Variants in AFG2A observed in about 807,000 individuals in gnomAD.
AFG2A encodes ATPase family gene 2 protein homolog A.
chr4:123,216,831 A>AC, the AFG2A span, among the ~76,000 whole-genome samples: 1 of 151,158 alleles, frequency 6.6e-6, no homozygotes, highest in African/African-American at 2.4e-5. Context: ...GTTTTTTCAA[A>AC]TTTTTTTTGT....
chr4:122,935,336 C>T, the AFG2A span, among the ~76,000 whole-genome samples: 3 of 151,930 alleles, frequency 2.0e-5, no homozygotes, highest in South Asian at 2.1e-4. Context: ...TACTAGCAAA[C>T]GTATGTACTC....
At chr4:123,216,843 G>C in the AFG2A span, among the ~76,000 whole-genome samples, 1 of 151,830 alleles carries the variant, frequency 6.6e-6, no homozygotes, top group East Asian at 1.9e-4. Context: ...TTTTTTTGTA[G>C]AGGTGGGGAA....
the AFG2A span, among the ~76,000 whole-genome samples, chr4:123,123,134 A>C: frequency 2.8e-4 from 43 of 152,326 alleles, no homozygotes; most frequent in Middle Eastern, 3.4e-3. Flanking sequence ...AAATGTGTTC[A>C]TATAAGAGAC....
the AFG2A span, among the ~76,000 whole-genome samples, chr4:123,012,649 A>G: frequency 6.6e-6 from 1 of 152,190 alleles, no homozygotes; most frequent in African/African-American, 2.4e-5. Context: ...TTTTCGGTCC[A>G]CGGATAAAAC....
the AFG2A span, among the ~76,000 whole-genome samples, chr4:123,307,232 C>G: frequency 1.3e-5 from 2 of 152,228 alleles, no homozygotes; most frequent in Middle Eastern, 3.4e-3. Context: ...GCCTTGAACT[C>G]CTGGGTTCAG....
At chr4:122,941,253 T>C in the AFG2A span, among the ~76,000 whole-genome samples, 6 of 151,944 alleles carry the variant, frequency 3.9e-5, no homozygotes, top group Non-Finnish European at 8.8e-5. Flanking sequence ...TATTGATTCT[T>C]CCTACCCATG....
chr4:123,307,256 C>T, the AFG2A span, among the ~76,000 whole-genome samples: 1 of 152,232 alleles, frequency 6.6e-6, no homozygotes, highest in Non-Finnish European at 1.5e-5. Context: ...ATCCTCCCAT[C>T]TCAGCCTCCT....
chr4:123,076,134 G>A, the AFG2A span, among the ~76,000 whole-genome samples: 42 of 152,080 alleles, frequency 2.8e-4, no homozygotes, highest in East Asian at 2.9e-3. Context: ...AGCCAGGCAC[G>A]ATGGCACAAA....
At chr4:122,985,839 C>T in the AFG2A span, among the ~76,000 whole-genome samples, 4 of 148,802 alleles carry the variant, frequency 2.7e-5, no homozygotes, top group Non-Finnish European at 5.9e-5. Flanking sequence ...GTTCTTGTTT[C>T]TCTAATTCCT....
chr4:123,136,933 T>C, the AFG2A span, among the ~76,000 whole-genome samples: 1 of 152,164 alleles, frequency 6.6e-6, no homozygotes, highest in African/African-American at 2.4e-5. Flanking sequence ...CCCAACCTTT[T>C]TGGCACCAGG....
chr4:122,966,869 A>G, the AFG2A span, among the ~76,000 whole-genome samples: 1 of 152,160 alleles, frequency 6.6e-6, no homozygotes, highest in Non-Finnish European at 1.5e-5. Flanking sequence ...AGCTCAGTAC[A>G]ATTGTTTAAT....
At chr4:123,075,242 C>G in the AFG2A span, among the ~76,000 whole-genome samples, 1 of 152,118 alleles carries the variant, frequency 6.6e-6, no homozygotes, top group Non-Finnish European at 1.5e-5. Flanking sequence ...CCACGCCCAG[C>G]CTGTTTTATC....
the AFG2A span, among the ~76,000 whole-genome samples, chr4:123,111,324 A>G: frequency 6.6e-6 from 1 of 152,176 alleles, no homozygotes; most frequent in Non-Finnish European, 1.5e-5. Flanking sequence ...GCATAGACCC[A>G]TATATTTTTG....
the AFG2A span, among the ~76,000 whole-genome samples, chr4:123,083,371 T>A: frequency 6.6e-6 from 1 of 151,214 alleles, no homozygotes; most frequent in Admixed American, 6.6e-5. Flanking sequence ...TATTGGATTT[T>A]GTCAAATATT....
chr4:123,292,503 A>G, the AFG2A span, among the ~76,000 whole-genome samples: 2 of 152,056 alleles, frequency 1.3e-5, no homozygotes, highest in Non-Finnish European at 2.9e-5. Context: ...ACTTTTTCTT[A>G]CTATTTTTGA....
the AFG2A span, among the ~76,000 whole-genome samples, chr4:122,940,501 T>A: frequency 6.6e-6 from 1 of 152,108 alleles, no homozygotes; most frequent in Non-Finnish European, 1.5e-5. Flanking sequence ...CTTGTAAATT[T>A]GTTTGAGTTC....
the AFG2A span, among the ~76,000 whole-genome samples, chr4:123,127,880 G>A: frequency 6.6e-6 from 1 of 152,090 alleles, no homozygotes; most frequent in South Asian, 2.1e-4. Context: ...CAAACAACTA[G>A]TGATAATGTG....
chr4:123,053,178 C>T, the AFG2A span, among the ~76,000 whole-genome samples: 1 of 152,222 alleles, frequency 6.6e-6, no homozygotes, highest in Middle Eastern at 3.2e-3. Context: ...CAATATTTTG[C>T]ATCCTTCAGT....
the AFG2A span, among the ~76,000 whole-genome samples, chr4:123,133,140 G>A: frequency 6.6e-6 from 1 of 152,172 alleles, no homozygotes; most frequent in Non-Finnish European, 1.5e-5. Flanking sequence ...GTTCTCCGAA[G>A]ATAATGGGTT....
Sources: gnomAD v4.1 joint callset for allele counts (sites outside exome capture counted in the v4.1 genomes callset) on GRCh38, gnomAD v4.1.1 for gene constraint, MANE v1.5 for transcripts, NCBI Gene and HGNC (gene_info 2026-07-23, HGNC 2026-07-21) for gene names.